PCDHGB4: variants seen among roughly 807,000 people sequenced by gnomAD.
PCDHGB4 encodes the protein protocadherin gamma-B4.
In PCDHGB4, 38 loss-of-function variants were observed where a neutral mutation model predicts 60.5. The observed-to-expected ratio is 0.63, with a 90% CI of 0.48 to 0.82. PCDHGB4 has a LOEUF of 0.82. Among genes scored for constraint, PCDHGB4 ranks in the 40% least tolerant of loss-of-function variants. The pLI is 0.00. For synonymous variants in PCDHGB4, 456 were observed against 509.7 expected (o/e 0.89, Z 1.42); for missense variants, 1,109 against 1,209.6 (o/e 0.92, Z 1.23).
intron 1 of PCDHGB4, among the ~76,000 whole-genome samples, chr5:141,439,371 TA>T (rs1008614540): frequency 7.2e-5 from 11 of 152,034 alleles, no homozygotes; most frequent in Non-Finnish European, 1.0e-4. Flanking sequence ...CAAGAAGAAA[TA>T]AAAATAAGTC....
At chr5:141,414,363 T>C in intron 1 of PCDHGB4, 3 of 1,613,910 alleles carry the variant, frequency 1.9e-6, no homozygotes, top group Non-Finnish European at 1.7e-6. Context: ...ATCTACCATT[T>C]AAATTAGAAA....
At chr5:141,393,435 C>T in intron 1 of PCDHGB4, 1 of 1,614,014 alleles carries the variant, frequency 6.2e-7, no homozygotes. Context: ...AGAGGCTGCT[C>T]ACCACCTGGT....
chr5:141,433,204 C>CT, intron 1 of PCDHGB4: 2 of 1,566,944 alleles, frequency 1.3e-6, no homozygotes, highest in Admixed American at 2.0e-5. Flanking sequence ...ATCAAATCTT[C>CT]TTTCTTTTTT....
At chr5:141,503,479 G>A (rs1203644194) in intron 2 of PCDHGB4, among the ~76,000 whole-genome samples, 5 of 151,616 alleles carry the variant, frequency 3.3e-5, no homozygotes, top group African/African-American at 9.7e-5. Context: ...TGCACTTGTC[G>A]TCCCAGCTGC....
chr5:141,399,106 T>C, intron 1 of PCDHGB4: 2 of 1,613,784 alleles, frequency 1.2e-6, no homozygotes, highest in Non-Finnish European at 1.7e-6. Context: ...GGTTGCACAA[T>C]GTACAGTTGA....
intron 1 of PCDHGB4, chr5:141,418,849 G>T (rs1479117344): frequency 1.5e-5 from 25 of 1,613,886 alleles, no homozygotes; most frequent in Non-Finnish European, 1.8e-5. Context: ...TCTCAACACG[G>T]TGTAAAGTAA....
chr5:141,408,060 T>G (rs2095034623), intron 1 of PCDHGB4: 1 of 1,324,738 alleles, frequency 7.5e-7, no homozygotes, highest in Admixed American at 2.9e-5. Flanking sequence ...GCCTCCCGGC[T>G]GCGCAGACCT....
At chr5:141,441,849 G>A (rs1192040398) in intron 1 of PCDHGB4, 2 of 345,448 alleles carry the variant, frequency 5.8e-6, no homozygotes, top group Non-Finnish European at 1.1e-5. Context: ...TCTTGGATAT[G>A]GTGCTGCACG....
At chr5:141,459,136 T>C (rs1044347522) in intron 1 of PCDHGB4, among the ~76,000 whole-genome samples, 2 of 152,224 alleles carry the variant, frequency 1.3e-5, no homozygotes, top group Non-Finnish European at 2.9e-5. Context: ...GTAACCACCA[T>C]GCAATCAAAA....
intron 1 of PCDHGB4, among the ~76,000 whole-genome samples, chr5:141,460,888 C>T (rs530320189): frequency 1.3e-5 from 2 of 149,792 alleles, no homozygotes; most frequent in East Asian, 2.0e-4. Context: ...CATGCCTTTT[C>T]GTGGCTGAGT....
At chr5:141,421,762 T>G (rs1272315856) in intron 1 of PCDHGB4, 2 of 1,613,884 alleles carry the variant, frequency 1.2e-6, no homozygotes, top group Non-Finnish European at 8.5e-7. Context: ...TAATAATTAC[T>G]TTTCCTTGCA....
At position 141,486,530 on chromosome 5, in the gene PCDHGB4, C is replaced by T; in HGVS notation, c.2398-8277C>T. 6.2e-7 allele frequency: 1 copy of T among 1,614,174 alleles called. No homozygotes were observed. The highest frequency in any genetic ancestry group is 8.5e-7 in the Non-Finnish European group (1 of 1,180,022). On this transcript the variant is annotated intron_variant, in intron 1 of 3. Transcript: ENST00000519479. The surrounding 1 kb of genome is among the most constrained non-coding windows in gnomAD (Gnocchi z 5.0). Reference sequence around the variant, plus strand: ...TATTTCAGATGTGAATGATAATCCACCCTCTTTCTTTCAGAGGTCACATGA... The same window carrying T: ...TATTTCAGATGTGAATGATAATCCATCCTCTTTCTTTCAGAGGTCACATGA...
At chr5:141,414,135 A>G in intron 1 of PCDHGB4, 1 of 1,595,504 alleles carries the variant, frequency 6.3e-7, no homozygotes, top group Non-Finnish European at 8.5e-7. Context: ...GTTTCTATGA[A>G]ATAGAAATAC....
rs759041753 is a variant in PCDHGB4 at position 141,388,806 on chromosome 5, G to A, written c.922G>A (p.Glu308Lys). 32 of 1,613,842 alleles carry A rather than the reference G, an allele frequency of 2.0e-5. No individual in the cohort carries two copies. Among genetic ancestry groups the A allele is most frequent in the Non-Finnish European group, 2.5e-5 (29 of 1,179,864 alleles). Residue 308 changes from glutamate (E) to lysine (K), a missense_variant, in exon 1 of 4, where the codon GAA (glutamate) becomes AAA (lysine). Physicochemically the swap from Glu to Lys is moderately conservative, Grantham distance 56. Coordinates refer to ENST00000519479, the MANE Select transcript of PCDHGB4 (RefSeq NM_003736.4). Reference sequence around the variant, plus strand: ...TACTGTTTTAAATACATTAGATTTTGAAGAAGTCAAAGAATATTCCATAGT... The same window carrying A: ...TACTGTTTTAAATACATTAGATTTTAAAGAAGTCAAAGAATATTCCATAGT... ...EITVLNTLDF[E>K]EVKEYSIVLE...
Position 141,476,214 on chromosome 5 carries a change from T to C in PCDHGB4, c.2398-18593T>C, listed in dbSNP as rs768153063. 1 of 1,613,974 alleles carries C rather than the reference T, an allele frequency of 6.2e-7. No homozygotes were observed. Among genetic ancestry groups the C allele is most frequent in the African/African-American group, 1.3e-5 (1 of 74,990 alleles). ...GCCTTGAACAAGGCTTCCACGGTCA[T>C]TCACTATGAGATCCCGGAGGAAAGA... On this transcript the variant is annotated intron_variant, in intron 1 of 3. Coordinates refer to ENST00000519479, the MANE Select transcript of PCDHGB4 (RefSeq NM_003736.4). The surrounding 1 kb of genome is among the most constrained non-coding windows in gnomAD (Gnocchi z 7.6).
At chr5:141,410,011 G>A in intron 1 of PCDHGB4, 1 of 1,613,302 alleles carries the variant, frequency 6.2e-7, no homozygotes, top group Non-Finnish European at 8.5e-7. Context: ...ACAACGCCTG[G>A]CTGTCCTACC....
chr5:141,506,162 C>T (rs1448735916), intron 3 of PCDHGB4, among the ~76,000 whole-genome samples: 1 of 152,124 alleles, frequency 6.6e-6, no homozygotes, highest in Non-Finnish European at 1.5e-5. Flanking sequence ...CTTAAGAGCA[C>T]AGCCTAAGCT....
rs199519740 is a variant in PCDHGB4 at position 141,394,287 on chromosome 5, A to C, written c.2397+4006A>C. On this transcript the variant is annotated intron_variant, in intron 1 of 3. Transcript: ENST00000519479. ...GAATGCCCAGGTCACTTACTCTGTG[A>C]CCGAGGACACGCTGCAGGGGGCGCC... 122 of 1,613,772 alleles carry C rather than the reference A, an allele frequency of 7.6e-5. No individual in the cohort carries two copies. Among genetic ancestry groups the C allele is most frequent in the Non-Finnish European group, 9.6e-5 (113 of 1,179,878 alleles).
chr5:141,412,385 A>G (rs1041538045), intron 1 of PCDHGB4: 8 of 152,236 alleles, frequency 5.3e-5, no homozygotes, highest in African/African-American at 1.9e-4. Flanking sequence ...AAATAGGTCC[A>G]TTTAACTTGT....
Sources: gnomAD v4.1 joint callset for allele counts (sites outside exome capture counted in the v4.1 genomes callset) on GRCh38, gnomAD v4.1.1 for gene constraint, Gnocchi (gnomAD v3.1) non-coding constraint, MANE v1.5 for transcripts, NCBI Gene and HGNC (gene_info 2026-07-23, HGNC 2026-07-21) for gene names.